Variants in SYNE2 observed in about 807,000 individuals in gnomAD.
The protein encoded by SYNE2 is nesprin-2.
A neutral mutation model predicts 856.3 loss-of-function variants in SYNE2; 431 were observed. The observed-to-expected ratio is 0.50, with a 90% CI of 0.47 to 0.55. SYNE2 has a LOEUF of 0.55. Among genes scored for constraint, SYNE2 ranks in the 20% least tolerant of loss-of-function variants. The pLI, the probability that SYNE2 is intolerant of heterozygous loss-of-function variation, is 0.00. For missense variants in SYNE2, 8,129 were observed against 8,023.2 expected (o/e 1.01, Z -0.50); for synonymous variants, 2,923 against 2,872.3 (o/e 1.02, Z -0.56).
intron 6 of SYNE2, among the ~76,000 whole-genome samples, chr14:63,944,490 C>T (rs2153421904): frequency 6.7e-6 from 1 of 149,726 alleles, no homozygotes; most frequent in East Asian, 1.9e-4. Context: ...GGCATTGTGC[C>T]ATAGGGTTTG....
At chr14:64,099,209 T>A (rs974515973) in intron 63 of SYNE2, 1 of 267,958 alleles carries the variant, frequency 3.7e-6, no homozygotes, top group Non-Finnish European at 7.3e-6. Context: ...TCCAATGACA[T>A]GAAGAGTTGT....
chr14:64,186,717 C>A, intron 97 of SYNE2, 138 bp downstream of exon 97: 2 of 1,089,236 alleles, frequency 1.8e-6, no homozygotes, highest in East Asian at 2.4e-5. Context: ...GCCGCTGCTC[C>A]TTTAGAAGGC....
At position 63,995,095 on chromosome 14, in the gene SYNE2, GA is replaced by G; in HGVS notation, c.2838del (p.Gly947GlufsTer8). 6.3e-7 allele frequency: 1 copy of G among 1,580,740 alleles called. No homozygotes were observed. The highest frequency in any genetic ancestry group is 8.6e-7 in the Non-Finnish European group (1 of 1,158,760). ...TGTTCAACAACTAAAAATAGATATT[GA>G]AAAAGGAAAGCTTAGTGACAATATT... ...LYVQQLKIDI[E>X]KGKLSDNILK... On this transcript the variant is annotated frameshift_variant, in exon 23 of 116. Transcript: ENST00000555002. LOFTEE classifies it high-confidence loss of function.
chr14:63,818,411 G>A (rs943362559), intron 1 of SYNE2, among the ~76,000 whole-genome samples: 3 of 151,188 alleles, frequency 2.0e-5, no homozygotes, highest in African/African-American at 7.3e-5. Flanking sequence ...CCAGCTACTC[G>A]AGAGGCTGAG....
intron 105 of SYNE2, 79 bp from the exon 106 acceptor site, chr14:64,214,115 A>G: frequency 6.2e-7 from 1 of 1,609,702 alleles, no homozygotes; most frequent in Non-Finnish European, 8.5e-7. Flanking sequence ...AAACTGCTAG[A>G]TAGGCAGACT....
At chr14:64,132,560 T>G in intron 77 of SYNE2, 122 bp downstream of exon 77, 3 of 1,308,242 alleles carry the variant, frequency 2.3e-6, no homozygotes, top group Non-Finnish European at 3.3e-6. Context: ...AGCCTGACAG[T>G]GAGGAATGTG....
At chr14:64,166,520 T>A (rs2098380274) in intron 90 of SYNE2, among the ~76,000 whole-genome samples, 1 of 152,242 alleles carries the variant, frequency 6.6e-6, no homozygotes, top group African/African-American at 2.4e-5. Context: ...AATATGGGTG[T>A]TTAAGTCCCT....
intron 103 of SYNE2, among the ~76,000 whole-genome samples, chr14:64,210,872 A>G (rs549730933): frequency 1.7e-4 from 26 of 152,124 alleles, no homozygotes; most frequent in Non-Finnish European, 3.4e-4. Flanking sequence ...CTTCTCAGGA[A>G]GACATTGGCT....
At chr14:64,207,907 A>G in intron 100 of SYNE2, 1 of 433,468 alleles carries the variant, frequency 2.3e-6, no homozygotes, top group Non-Finnish European at 4.6e-6. Flanking sequence ...AGGGATGCCT[A>G]ACTCTTCCAG....
At chr14:63,840,068 A>C (rs1220447512) in intron 1 of SYNE2, among the ~76,000 whole-genome samples, 1 of 152,194 alleles carries the variant, frequency 6.6e-6, no homozygotes, top group Non-Finnish European at 1.5e-5. Flanking sequence ...CAGGAGTTCA[A>C]GACCAGCCTG....
At chr14:64,025,085 G>A (rs760626465) in intron 40 of SYNE2, 45 bp from the exon 41 acceptor site, 2 of 1,613,890 alleles carry the variant, frequency 1.2e-6, no homozygotes, top group East Asian at 2.2e-5. Context: ...TTCTTCCATG[G>A]TGTGGTTACT....
At position 64,104,282 on chromosome 14, in the gene SYNE2, CCTT is replaced by C. The variant is rs1285160166; in HGVS notation, c.12492+2244_12492+2246del. 1.3e-5 allele frequency among the ~76,000 whole-genome samples: 2 copies of C among 152,076 alleles called. 1 individual carries two copies. Among genetic ancestry groups the C allele is most frequent in the Non-Finnish European group, 2.9e-5 (2 of 68,028 alleles). On this transcript the variant is annotated intron_variant, in intron 64 of 115. Coordinates refer to ENST00000555002, the MANE Select transcript of SYNE2 (RefSeq NM_182914.3). ...ACCTCTCTGGGAGTGACCACCTCTT[CCTT>C]CTTTAACTGCGGTGTTCCTTTAACT...
chr14:64,050,340 CAAA>C (rs2097216250), intron 47 of SYNE2, among the ~76,000 whole-genome samples: 1 of 152,116 alleles, frequency 6.6e-6, no homozygotes, highest in Non-Finnish European at 1.5e-5. Context: ...GATTAGGTTT[CAAA>C]ATATGAATTT....
At chr14:63,962,593 A>G (rs146253633) in intron 9 of SYNE2, among the ~76,000 whole-genome samples, 108 of 152,106 alleles carry the variant, frequency 7.1e-4, no homozygotes, top group African/African-American at 2.5e-3. Flanking sequence ...CTTAATCCCT[A>G]TTTGTTGATA....
intron 28 of SYNE2, among the ~76,000 whole-genome samples, chr14:64,001,670 A>G (rs571995072): frequency 1.3e-5 from 2 of 152,350 alleles, no homozygotes; most frequent in Non-Finnish European, 2.9e-5. Flanking sequence ...CTTACTAAAT[A>G]AATGTATGTT....
At chr14:64,210,397 G>A (rs973389544) in intron 103 of SYNE2, among the ~76,000 whole-genome samples, 3 of 152,314 alleles carry the variant, frequency 2.0e-5, no homozygotes, top group African/African-American at 4.8e-5. Context: ...ACCCGTGGTG[G>A]TGTGCATGTT....
At chr14:63,797,001 C>T (rs1399088299) in intron 1 of SYNE2, among the ~76,000 whole-genome samples, 1 of 150,614 alleles carries the variant, frequency 6.6e-6, no homozygotes, top group Non-Finnish European at 1.5e-5. Context: ...ATCGCTTGAA[C>T]CCAGGAGGTG....
At chr14:63,938,210 A>C (rs1328341242) in intron 2 of SYNE2, among the ~76,000 whole-genome samples, 2 of 152,140 alleles carry the variant, frequency 1.3e-5, no homozygotes, top group African/African-American at 4.8e-5. Flanking sequence ...TAATCCCAGC[A>C]CTTTGGGAGG....
In SYNE2 at chr14:63,877,835, G is replaced by A. The variant is rs549489109; in HGVS notation, c.-52+24692G>A. Among the ~76,000 whole-genome samples the A allele has an allele frequency of 2.5e-4, 37 of 149,322 alleles. No individual in the cohort carries two copies. In the East Asian group the frequency reaches 3.9e-3, roughly 16 times the overall value. On this transcript the variant is annotated intron_variant, in intron 1 of 115. Coordinates refer to ENST00000555002, the MANE Select transcript of SYNE2 (RefSeq NM_182914.3). The stretch of plus-strand genomic sequence containing the variant: ...TTTATGACTGTCTATAAGGTGTGGC[G>A]TTCTGTATTTTATAGCCAAGGTCAT...
Sources: allele counts gnomAD v4.1 joint callset (sites outside exome capture counted in the v4.1 genomes callset), GRCh38; gene constraint gnomAD v4.1.1; transcripts MANE v1.5; gene names NCBI Gene and HGNC (gene_info 2026-07-23, HGNC 2026-07-21).